SYNE1: variants seen among roughly 807,000 people sequenced by gnomAD.
SYNE1 encodes nesprin-1.
In SYNE1, 616 loss-of-function variants were observed where a neutral mutation model predicts 1,111.0. The observed-to-expected ratio is 0.55, with a 90% CI of 0.52 to 0.59. SYNE1 has a LOEUF of 0.59. SYNE1 is among the 20% of genes least tolerant of loss of function. The pLI is 0.00. For synonymous variants in SYNE1, 3,855 were observed against 3,825.8 expected (o/e 1.01, Z -0.28); for missense variants, 10,006 against 10,417.0 (o/e 0.96, Z 1.72).
chr6:152,584,280 G>A (rs749190995), intron 3 of SYNE1, among the ~76,000 whole-genome samples: 8 of 151,872 alleles, frequency 5.3e-5, no homozygotes, highest in Non-Finnish European at 1.0e-4. Flanking sequence ...CAGAGAGAAA[G>A]AAAGAGATCA....
At chr6:152,228,991 T>C (rs1220047689) in intron 115 of SYNE1, among the ~76,000 whole-genome samples, 3 of 152,196 alleles carry the variant, frequency 2.0e-5, no homozygotes. Context: ...ATCAATTTTA[T>C]GCAGTCTCAA....
intron 32 of SYNE1, 141 bp from the exon 33 acceptor site, chr6:152,436,242 A>G: frequency 1.1e-6 from 1 of 883,498 alleles, no homozygotes. Flanking sequence ...CATTGTTCTT[A>G]ACAATAAATC....
At position 152,255,637 on chromosome 6, in the gene SYNE1, G is replaced by A. The variant is rs2153623229; in HGVS notation, c.19214C>T (p.Thr6405Ile). Residue 6405 changes from threonine (T) to isoleucine (I), a missense_variant, in exon 103 of 146, where the codon ACA becomes ATA. Thr to Ile is a moderately conservative substitution (Grantham distance 89). Around this residue, in one of 7 missense-constraint regions of SYNE1, gnomAD observed 2,182 missense variants for 2,287.8 expected, o/e 0.95. Transcript: ENST00000367255. ...DDVEERLFVA[T>I]ALLPEETETC... ...CTCTGTTTCTTCTGGTAAAAGTGCT[G>A]TGGCAACAAATAAACGTTCTTCAAC... 1 of 1,614,202 alleles carries A rather than the reference G, an allele frequency of 6.2e-7. No individual in the cohort carries two copies. The highest frequency in any genetic ancestry group is 8.5e-7 in the Non-Finnish European group (1 of 1,180,036).
intron 7 of SYNE1, 69 bp from the exon 8 acceptor site, chr6:152,510,440 C>G (rs2099079385): frequency 1.3e-6 from 2 of 1,544,704 alleles, no homozygotes; most frequent in Admixed American, 1.9e-5. Flanking sequence ...AGATGTTTTA[C>G]TTTTCCAGCA....
Position 152,269,294 on chromosome 6 carries a change from T to C in SYNE1, c.18574-8A>G. The C allele has an allele frequency of 1.9e-6, 3 of 1,614,082 alleles. No individual in the cohort carries two copies. The stretch of plus-strand genomic sequence containing the variant: ...CTTCTCCTGTGCTGTTCCCTGCTTT[T>C]AACGAGGCAGAAATCAAGTCATGCT... On this transcript the variant is annotated splice_polypyrimidine_tract_variant and splice_region_variant and intron_variant, in intron 98 of 145. Transcript: ENST00000367255.
intron 32 of SYNE1, among the ~76,000 whole-genome samples, chr6:152,436,586 C>T (rs1462963419): frequency 1.3e-5 from 2 of 152,162 alleles, no homozygotes; most frequent in Admixed American, 6.5e-5. Flanking sequence ...CAGGCAGGTG[C>T]CACCATGCCT....
intron 72 of SYNE1, among the ~76,000 whole-genome samples, chr6:152,349,203 C>T (rs2096698007): frequency 6.6e-6 from 1 of 152,204 alleles, no homozygotes; most frequent in Admixed American, 6.5e-5. Context: ...GTGACCATAA[C>T]GTCTATCACG....
intron 46 of SYNE1, among the ~76,000 whole-genome samples, chr6:152,401,590 T>TGA (rs2154151663): frequency 6.6e-6 from 1 of 152,268 alleles, no homozygotes; most frequent in East Asian, 1.9e-4. Context: ...AAGCTCTAAC[T>TGA]GAGGTTCCAG....
chr6:152,442,101 G>A lies in SYNE1; in HGVS notation c.3982C>T (p.Arg1328Trp), dbSNP rs1465224604. 8 of 1,613,862 alleles carry A rather than the reference G, an allele frequency of 5.0e-6. No individual in the cohort carries two copies. The East Asian group carries it at 6.7e-5, about 13-fold the overall frequency. ...ESTLDGLERS[R>W]ERQERRIQVT... is the part of the protein sequence containing the mutation. ...TGGATGCGGCGTTCCTGCCTCTCCC[G>A]GCTGCGCTCCAGGCCATCCAGTGTG... is the stretch of plus-strand genomic sequence containing the variant. The change falls in exon 31 of 146, where the codon CGG becomes TGG. Residue 1328 changes from arginine (R) to tryptophan (W), a missense_variant. Physicochemically the swap from Arg to Trp is moderately radical, Grantham distance 101. Transcript: ENST00000367255.
chr6:152,179,806 T>G (rs1371290661), intron 129 of SYNE1, among the ~76,000 whole-genome samples: 1 of 146,410 alleles, frequency 6.8e-6, no homozygotes, highest in Admixed American at 7.1e-5. Flanking sequence ...TGCCTCAGCC[T>G]CTAGAGTAGC....
chr6:152,189,544 A>G (rs1758378260), intron 127 of SYNE1, 137 bp from the exon 128 acceptor site: 1 of 760,552 alleles, frequency 1.3e-6, no homozygotes, highest in African/African-American at 1.7e-5. Context: ...CTAGAGGCAC[A>G]TCATGGCAAT....
At chr6:152,312,786 A>G (rs2153861409) in intron 87 of SYNE1, among the ~76,000 whole-genome samples, 1 of 152,194 alleles carries the variant, frequency 6.6e-6, no homozygotes, top group Non-Finnish European at 1.5e-5. Context: ...ACATTTGGGC[A>G]CATTTTTAGG....
chr6:152,450,936 G>A (rs2098643078), intron 26 of SYNE1, 103 bp from the exon 27 acceptor site: 1 of 1,591,794 alleles, frequency 6.3e-7, no homozygotes, highest in Non-Finnish European at 8.6e-7. Flanking sequence ...GACTACCAAG[G>A]TAGAGTAATT....
intron 104 of SYNE1, among the ~76,000 whole-genome samples, chr6:152,252,544 A>G (rs139893911): frequency 0.015 from 2,289 of 152,314 alleles, 27 homozygotes; most frequent in Middle Eastern, 0.044. Context: ...TCTTTTTGGT[A>G]TAGAATAATG....
In SYNE1 at chr6:152,221,038, T is replaced by G; in HGVS notation, c.21665A>C (p.Asn7222Thr). Residue 7222 changes from asparagine (N) to threonine (T), a missense_variant, in exon 119 of 146, where the codon AAC (asparagine) becomes ACC (threonine). This residue lies in a region of SYNE1 where 2,182 missense variants were observed against 2,287.8 expected (regional missense o/e 0.95). Coordinates refer to ENST00000367255, the MANE Select transcript of SYNE1 (RefSeq NM_182961.4). Reference sequence around the variant, plus strand: ...CTGCTCAGCAATCTCTTCCAGCAAGTTATTCCATCTGGAAATAATAACCAA... The same window carrying G: ...CTGCTCAGCAATCTCTTCCAGCAAGGTATTCCATCTGGAAATAATAACCAA... ...TLKEVNMRWN[N>T]LLEEIAEQLQ... 1 of 1,614,046 alleles carries G rather than the reference T, an allele frequency of 6.2e-7. No homozygotes were observed. The highest frequency in any genetic ancestry group is 8.5e-7 in the Non-Finnish European group (1 of 1,179,984).
rs746331945 is a variant in SYNE1 at position 152,148,574 on chromosome 6, T to C, written c.24643-196A>G. Among the ~76,000 whole-genome samples the C allele has an allele frequency of 3.9e-5, 6 of 152,192 alleles. No homozygotes were observed. Among genetic ancestry groups the C allele is most frequent in the Non-Finnish European group, 7.3e-5 (5 of 68,030 alleles). On this transcript the variant is annotated intron_variant, in intron 136 of 145. Coordinates refer to ENST00000367255, the MANE Select transcript of SYNE1 (RefSeq NM_182961.4). This position sits in a 1 kb window ranked among gnomAD's most constrained non-coding sequence, Gnocchi z 4.1. ...GGGTTGAAATCTCAGTTACGCTGTG[T>C]GCTTCCTGTTTAAGCTTGGATAAGG...
chr6:152,584,832 C>T (rs750661682), intron 3 of SYNE1, among the ~76,000 whole-genome samples: 3 of 152,240 alleles, frequency 2.0e-5, no homozygotes, highest in East Asian at 1.9e-4. Flanking sequence ...TGCATCTTCA[C>T]GTTACATTAC....
intron 3 of SYNE1, among the ~76,000 whole-genome samples, chr6:152,604,673 C>T (rs1355387255): frequency 1.3e-5 from 2 of 151,706 alleles, no homozygotes; most frequent in Non-Finnish European, 2.9e-5. Context: ...GGCACGGTGG[C>T]TCATGCCTAT....
At chr6:152,467,988 A>G (rs1361544494) in intron 16 of SYNE1, among the ~76,000 whole-genome samples, 1 of 152,180 alleles carries the variant, frequency 6.6e-6, no homozygotes, top group Non-Finnish European at 1.5e-5. Flanking sequence ...TAAAATAATA[A>G]TAACAAGATT....
Sources: allele counts gnomAD v4.1 joint callset (sites outside exome capture counted in the v4.1 genomes callset), GRCh38; gene constraint gnomAD v4.1.1; regional missense constraint gnomAD v4.1.1; non-coding constraint Gnocchi (gnomAD v3.1); transcripts MANE v1.5; gene names NCBI Gene and HGNC (gene_info 2026-07-23, HGNC 2026-07-21).